Variants in ANK2 observed in about 807,000 individuals in gnomAD.
ANK2 encodes the protein ankyrin-2.
In ANK2, 83 loss-of-function variants were observed where a neutral mutation model predicts 360.5. The ratio of observed to expected loss-of-function variants is 0.23; its 90% CI spans 0.19 to 0.28. The LOEUF (loss-of-function observed/expected upper bound fraction) is 0.28, where lower values mean the gene tolerates loss of function less well. ANK2 is among the 10% of genes least tolerant of loss of function. The pLI is 1.00. For missense variants in ANK2, 4,201 were observed against 4,795.7 expected, an observed-to-expected ratio of 0.88 and a Z score of 3.66; for synonymous variants, 1,740 against 1,759.5, an observed-to-expected ratio of 0.99 and a Z score of 0.28.
At chr4:113,313,819 GA>G (rs1418380529) in intron 24 of ANK2, 1 of 150,368 alleles carries the variant, frequency 6.7e-6, no homozygotes, top group Non-Finnish European at 1.5e-5. Context: ...GGGGGAGTGG[GA>G]GGGGGTGCTT....
At chr4:113,265,729 C>T (rs1437815398) in intron 14 of ANK2, among the ~76,000 whole-genome samples, 1 of 152,026 alleles carries the variant, frequency 6.6e-6, no homozygotes, top group African/African-American at 2.4e-5. Flanking sequence ...ATATACTGTA[C>T]CTTCTATTTC....
chr4:113,225,546 A>G (rs1157759515), intron 4 of ANK2, among the ~76,000 whole-genome samples: 1 of 152,176 alleles, frequency 6.6e-6, no homozygotes, highest in African/African-American at 2.4e-5. Context: ...TGCCAGGAAA[A>G]TAAAGGCTGA....
chr4:113,279,319 C>A (rs1467399348), intron 17 of ANK2, among the ~76,000 whole-genome samples: 1 of 152,100 alleles, frequency 6.6e-6, no homozygotes, highest in East Asian at 1.9e-4. Context: ...AAAAAAACTG[C>A]CACCATTTAT....
At chr4:112,848,504 C>T (rs1395611020) in intron 1 of ANK2, among the ~76,000 whole-genome samples, 5 of 152,164 alleles carry the variant, frequency 3.3e-5, no homozygotes, top group Non-Finnish European at 7.3e-5. Context: ...AGTACCGAGG[C>T]CATAGTAGAG....
intron 1 of ANK2, among the ~76,000 whole-genome samples, chr4:112,829,141 G>C (rs2059109642): frequency 6.6e-6 from 1 of 152,052 alleles, no homozygotes; most frequent in Admixed American, 6.6e-5. Flanking sequence ...TGACAGAGCA[G>C]GACTCTGTCT....
At position 113,355,551 on chromosome 4, in the gene ANK2, C is replaced by A. The variant is rs2095700390; in HGVS notation, c.6933C>A (p.Ala2311=). 2 of 1,614,028 alleles carry A rather than the reference C, an allele frequency of 1.2e-6. No individual in the cohort carries two copies. Among genetic ancestry groups the A allele is most frequent in the Non-Finnish European group, 1.7e-6 (2 of 1,179,962 alleles). ...ETSTESFQKE[A]TLGSPKDTSP... is the part of the protein sequence containing the mutation. Reference sequence around the variant, plus strand: ...CTACTGAGAGTTTTCAGAAAGAGGCCACTCTAGGCTCTCCCAAAGACACAA... The same window carrying A: ...CTACTGAGAGTTTTCAGAAAGAGGCAACTCTAGGCTCTCCCAAAGACACAA... The change falls in exon 38 of 46, where the codon GCC becomes GCA. Residue 2311 remains alanine (A), a synonymous_variant. Coordinates refer to ENST00000357077, the MANE Select transcript of ANK2 (RefSeq NM_001148.6).
At chr4:113,261,609 T>C (rs2052957395) in intron 13 of ANK2, among the ~76,000 whole-genome samples, 1 of 152,140 alleles carries the variant, frequency 6.6e-6, no homozygotes, top group Admixed American at 6.5e-5. Flanking sequence ...AAAAGACTAA[T>C]AAGGGCAACT....
intron 4 of ANK2, among the ~76,000 whole-genome samples, chr4:113,207,331 T>C (rs2098963942): frequency 6.6e-6 from 1 of 152,182 alleles, no homozygotes; most frequent in Non-Finnish European, 1.5e-5. Context: ...AAATCTTCGG[T>C]AGATGTCTCA....
the ANK2 span, among the ~76,000 whole-genome samples, chr4:112,737,911 G>T: frequency 6.6e-6 from 1 of 152,204 alleles, no homozygotes. Context: ...TCAGATTCAA[G>T]AAGAGATGGC....
In ANK2 at chr4:113,357,294, T is replaced by C; in HGVS notation, c.8676T>C (p.Ser2892=). Reference sequence around the variant, plus strand: ...AGAACTTACCAAAGGACTGCCCCTCTCAAGACTCATCCATTACTACTCAAA... The same window carrying C: ...AGAACTTACCAAAGGACTGCCCCTCCCAAGACTCATCCATTACTACTCAAA... The part of the protein sequence containing the change: ...TFENLPKDCP[S]QDSSITTQTD... The change falls in exon 38 of 46, where the codon TCT becomes TCC. Residue 2892 remains serine (S), a synonymous_variant. Coordinates refer to ENST00000357077, the MANE Select transcript of ANK2 (RefSeq NM_001148.6). 1 of 1,614,076 alleles carries C rather than the reference T, an allele frequency of 6.2e-7. No homozygotes were observed. Among genetic ancestry groups the C allele is most frequent in the Non-Finnish European group, 8.5e-7 (1 of 1,180,002 alleles).
At chr4:113,019,591 A>T (rs1042117122) in intron 2 of ANK2, among the ~76,000 whole-genome samples, 1 of 152,162 alleles carries the variant, frequency 6.6e-6, no homozygotes, top group African/African-American at 2.4e-5. Context: ...GAGGTAACTG[A>T]TTTATGAACA....
chr4:113,349,672 G>T (rs1336022330), intron 36 of ANK2, among the ~76,000 whole-genome samples: 1 of 152,116 alleles, frequency 6.6e-6, no homozygotes, highest in African/African-American at 2.4e-5. Context: ...TGTTAAAAAT[G>T]ATAGGGAAGC....
chr4:113,029,828 T>C (rs999194925), intron 2 of ANK2, among the ~76,000 whole-genome samples: 16 of 152,086 alleles, frequency 1.1e-4, no homozygotes, highest in Admixed American at 4.6e-4. Context: ...GAGGTACAGT[T>C]ATGGAGATGT....
chr4:112,749,618 G>C, the ANK2 span, among the ~76,000 whole-genome samples: 5 of 152,268 alleles, frequency 3.3e-5, 1 homozygote, highest in Middle Eastern at 3.4e-3. Flanking sequence ...TCACAGCAGT[G>C]TTTCCTAGGA....
chr4:113,367,844 G>A lies in ANK2; in HGVS notation c.11311G>A (p.Glu3771Lys). 6.2e-7 allele frequency: 1 copy of A among 1,614,052 alleles called. No homozygotes were observed. Among genetic ancestry groups the A allele is most frequent in the Middle Eastern group, 1.7e-4 (1 of 6,056 alleles). Residue 3771 changes from glutamate (E) to lysine (K), a missense_variant, in exon 42 of 46, where the codon GAA (glutamate) becomes AAA (lysine). Physicochemically the swap from Glu to Lys is moderately conservative, Grantham distance 56 (BLOSUM62 1). Transcript: ENST00000357077. Reference protein sequence around the residue: ...PEESSLEYQQEYFVTTPGTET... With the variant: ...PEESSLEYQQKYFVTTPGTET... ...AGAGTCATCTCTGGAATATCAGCAG[G>A]AATATTTGTGAGTTTCCAAAGAAAG... is the stretch of plus-strand genomic sequence containing the variant.
chr4:113,288,330 C>T lies in ANK2; in HGVS notation c.2179-58C>T, dbSNP rs1033987980. On this transcript the variant is annotated intron_variant, in intron 19 of 45. Transcript: ENST00000357077. Reference sequence around the variant, plus strand: ...AGTCCTTCTCCTCTGGGGTATTAACCACTAGAGTAGTAAAGTTTCTACTTT... The same window carrying T: ...AGTCCTTCTCCTCTGGGGTATTAACTACTAGAGTAGTAAAGTTTCTACTTT... 2.1e-6 allele frequency: 3 copies of T among 1,396,374 alleles called. No individual in the cohort carries two copies. The African/African-American group carries it at 4.3e-5, about 20-fold the overall frequency. 86.5% of individuals were successfully genotyped at this position (1,396,374 alleles called of 1,614,324 possible). A position where few individuals can be genotyped will look rare whatever the true frequency, so the allele number is the denominator to read the frequency against.
At chr4:113,141,191 G>A (rs2096623499) in intron 1 of ANK2, 1 of 152,140 alleles carries the variant, frequency 6.6e-6, no homozygotes, top group Non-Finnish European at 1.5e-5. Flanking sequence ...CTCAGCAAAG[G>A]TGGAATAAGA....
chr4:113,300,596 A>G (rs2074443372), intron 22 of ANK2, among the ~76,000 whole-genome samples: 2 of 152,186 alleles, frequency 1.3e-5, no homozygotes, highest in South Asian at 4.1e-4. Flanking sequence ...GCAGATAAAC[A>G]CAGTTAAACA....
intron 1 of ANK2, among the ~76,000 whole-genome samples, chr4:112,820,522 G>A (rs923739476): frequency 5.3e-5 from 8 of 152,172 alleles, no homozygotes; most frequent in African/African-American, 1.9e-4. Flanking sequence ...TTAAAATGCT[G>A]TGTAATTATT....
Sources: gnomAD v4.1 joint callset for allele counts (sites outside exome capture counted in the v4.1 genomes callset) on GRCh38, gnomAD v4.1.1 for gene constraint, MANE v1.5 for transcripts, NCBI Gene and HGNC (gene_info 2026-07-23, HGNC 2026-07-21) for gene names.